Variants in PCIF1 observed in about 807,000 individuals in gnomAD.
PCIF1 encodes the protein mRNA (2'-O-methyladenosine-N(6)-)-methyltransferase.
PCIF1 carries 12 observed loss-of-function variants against 86.9 expected under a neutral mutation model. The observed-to-expected ratio is 0.14, with a 90% CI of 0.09 to 0.22. The LOEUF is 0.22. Ranked by LOEUF, PCIF1 falls within the 10% of genes least tolerant of loss-of-function variation. PCIF1 has a pLI of 1.00. For missense variants in PCIF1, 701 were observed against 951.1 expected (o/e 0.74, Z 3.46); for synonymous variants, 397 against 372.0 (o/e 1.07, Z -0.77).
intron 7 of PCIF1, 145 bp downstream of exon 7, chr20:45,941,352 C>T (rs765709259): frequency 1.2e-5 from 11 of 931,388 alleles, no homozygotes; most frequent in African/African-American, 5.0e-5. Flanking sequence ...AGTGACAGAG[C>T]AAGACCCTCT....
Position 45,947,853 on chromosome 20 carries a change from ATGAAGATTATGGT to A in PCIF1, c.*100_*112del. On this transcript the variant is annotated 3_prime_UTR_variant, in exon 17 of 17. Transcript: ENST00000372409. This position sits in a 1 kb window ranked among gnomAD's most constrained non-coding sequence, Gnocchi z 5.4. The stretch of plus-strand genomic sequence containing the variant: ...GAGGGACCCCGGCTGCCACTGACAT[ATGAAGATTATGGT>A]TCTGCCAGGGCTCCCCTCCCTGCCT... 2.0e-6 allele frequency: 3 copies of A among 1,536,412 alleles called. No individual in the cohort carries two copies. The highest frequency in any genetic ancestry group is 2.6e-6 in the Non-Finnish European group (3 of 1,151,252).
chr20:45,937,041 A>AC (rs11086989), intron 1 of PCIF1, among the ~76,000 whole-genome samples: 135,314 of 152,222 alleles, frequency 0.89, 60,924 homozygotes, highest in Non-Finnish European at 0.95. Context: ...TGCCAAAGCC[A>AC]CGTGCCCAGC....
At position 45,945,254 on chromosome 20, in the gene PCIF1, C is replaced by T. The variant is rs58936781; in HGVS notation, c.1168+224C>T. Among the ~76,000 whole-genome samples the T allele has an allele frequency of 1.1e-4, 16 of 152,356 alleles. No individual in the cohort carries two copies. In the East Asian group the frequency reaches 3.1e-3, roughly 29 times the overall value. On this transcript the variant is annotated intron_variant, in intron 11 of 16. Coordinates refer to ENST00000372409, the MANE Select transcript of PCIF1 (RefSeq NM_022104.4). ...TCGTAGTTAGGTGTACCTGAATTTA[C>T]ATCCATTCTCTGCAAGCCTTACTTT...
intron 2 of PCIF1, chr20:45,938,104 C>T (rs1006981019): frequency 6.6e-6 from 1 of 152,218 alleles, no homozygotes; most frequent in African/African-American, 2.4e-5. Context: ...TCTGACAGCC[C>T]CAGGCCAGAA....
At chr20:45,937,279 T>C (rs1042766767) in intron 1 of PCIF1, 139 bp from the exon 2 acceptor site, 1 of 397,434 alleles carries the variant, frequency 2.5e-6, no homozygotes, top group Non-Finnish European at 4.4e-6. Flanking sequence ...GGTATCATTT[T>C]CATCCCCTGT....
intron 4 of PCIF1, 34 bp downstream of exon 4, chr20:45,939,373 G>T: frequency 6.2e-7 from 1 of 1,610,882 alleles, no homozygotes. Flanking sequence ...GGGTCTCAGA[G>T]TGGCCTCTGG....
At chr20:45,938,593 G>C (rs187644538) in intron 2 of PCIF1, among the ~76,000 whole-genome samples, 1 of 152,202 alleles carries the variant, frequency 6.6e-6, no homozygotes, top group East Asian at 1.9e-4. Flanking sequence ...AGTTCTGACA[G>C]TTTAGTGGGG....
intron 6 of PCIF1, 23 bp from the exon 7 acceptor site, chr20:45,941,030 A>C (rs1216409680): frequency 6.2e-7 from 1 of 1,614,118 alleles, no homozygotes; most frequent in Admixed American, 1.7e-5. Context: ...GGACATCCTC[A>C]TCACTCCTCT....
chr20:45,936,760 G>A (rs913087383), intron 1 of PCIF1, among the ~76,000 whole-genome samples: 1 of 151,966 alleles, frequency 6.6e-6, no homozygotes, highest in Non-Finnish European at 1.5e-5. Context: ...GTGAAATCCC[G>A]TCTCTACTAA....
At chr20:45,942,766 C>CTTTT (rs780815783) in intron 7 of PCIF1, among the ~76,000 whole-genome samples, 65 of 71,758 alleles carry the variant, frequency 9.1e-4, no homozygotes, top group Non-Finnish European at 1.1e-3. Flanking sequence ...CAGCTAATTT[C>CTTTT]TTTTTTTTTT....
intron 1 of PCIF1, among the ~76,000 whole-genome samples, chr20:45,935,564 A>C (rs1049095866): frequency 2.0e-5 from 3 of 152,322 alleles, no homozygotes; most frequent in African/African-American, 4.8e-5. Context: ...GCCGGAAAGC[A>C]GAAGGGCCCG....
At position 45,943,824 on chromosome 20, in the gene PCIF1, G is replaced by T; in HGVS notation, c.1005+59G>T. The T allele has an allele frequency of 7.0e-7, 1 of 1,432,842 alleles. No individual in the cohort carries two copies. The highest frequency in any genetic ancestry group is 1.2e-5 in the South Asian group (1 of 81,138). 88.8% of individuals were successfully genotyped at this position (1,432,842 alleles called of 1,614,324 possible). On this transcript the variant is annotated intron_variant, in intron 10 of 16. Coordinates refer to ENST00000372409, the MANE Select transcript of PCIF1 (RefSeq NM_022104.4). The surrounding 1 kb of genome is among the most constrained non-coding windows in gnomAD (Gnocchi z 5.5). ...AGGGCTCTGTGGCCACTTCCTCCAG[G>T]AAGCCTACTCTGCCTGTCCAGGCTG...
chr20:45,947,347 C>T lies in PCIF1; in HGVS notation c.1792C>T (p.Arg598Cys), dbSNP rs144987485. Residue 598 changes from arginine to cysteine, a missense_variant, in exon 16 of 17, where the codon CGC (arginine) becomes TGC (cysteine). By Grantham distance (180) the Arg-to-Cys change is radical (BLOSUM62 -3). Coordinates refer to ENST00000372409, the MANE Select transcript of PCIF1 (RefSeq NM_022104.4). The surrounding 1 kb of genome is among the most constrained non-coding windows in gnomAD (Gnocchi z 5.4). ...WREPPTPALTRMEQSRFKRHQ... is the reference protein window; with the variant it reads ...WREPPTPALTCMEQSRFKRHQ... ...GGAACCCCCAACACCAGCGCTCACCCGCATGGAGCAGAGCCGCTTCAAACG... is the reference window on the plus strand; with the variant it reads ...GGAACCCCCAACACCAGCGCTCACCTGCATGGAGCAGAGCCGCTTCAAACG... 16 of 1,613,914 alleles carry T rather than the reference C, an allele frequency of 9.9e-6. No individual in the cohort carries two copies. The highest frequency in any genetic ancestry group is 4.5e-5 in the East Asian group (2 of 44,898).
intron 7 of PCIF1, 88 bp downstream of exon 7, chr20:45,941,295 G>C (rs932119309): frequency 6.9e-7 from 1 of 1,451,934 alleles, no homozygotes; most frequent in Non-Finnish European, 9.3e-7. Flanking sequence ...GGATGGCGGA[G>C]TGGGGCCCAG....
intron 2 of PCIF1, 30 bp downstream of exon 2, chr20:45,937,615 T>C: frequency 2.5e-6 from 1 of 398,780 alleles, no homozygotes; most frequent in Non-Finnish European, 4.4e-6. Context: ...CATTCAGTCT[T>C]GAAACCTGTG....
chr20:45,942,999 C>T, intron 7 of PCIF1, 98 bp from the exon 8 acceptor site: 8 of 1,279,988 alleles, frequency 6.3e-6, no homozygotes, highest in Non-Finnish European at 8.6e-6. Flanking sequence ...GGGACTGTGT[C>T]TTGCTTACTG....
rs2083400263 is a variant in PCIF1, at chr20:45,934,752, C to G, written c.-240C>G. The G allele has an allele frequency of 5.0e-6, 2 of 398,812 alleles. No individual in the cohort carries two copies. Among genetic ancestry groups the G allele is most frequent in the Non-Finnish European group, 8.8e-6 (2 of 226,114 alleles). The allele number at this position is 398,812 out of a possible 1,614,324, so 24.7% of individuals were successfully genotyped here. A position where few individuals can be genotyped will look rare whatever the true frequency, so the allele number is the denominator to read the frequency against. On this transcript the variant is annotated 5_prime_UTR_variant, in exon 1 of 17. Transcript: ENST00000372409. ...GGAGGGCGAGGCGGAGGCGGCAAAA[C>G]GGGCGGTCGAGCAGAACGTGTAGCC...
At position 45,947,888 on chromosome 20, in the gene PCIF1, G is replaced by C; in HGVS notation, c.*133G>C. ...TGGTTCTGCCAGGGCTCCCCTCCCT[G>C]CCTGTCCCCAAGTCCTCACCTCAAA... is the stretch of plus-strand genomic sequence containing the variant. On this transcript the variant is annotated 3_prime_UTR_variant, in exon 17 of 17. Transcript: ENST00000372409. This position sits in a 1 kb window ranked among gnomAD's most constrained non-coding sequence, Gnocchi z 5.4. 6.5e-7 allele frequency: 1 copy of C among 1,532,268 alleles called. No homozygotes were observed. Among genetic ancestry groups the C allele is most frequent in the East Asian group, 2.4e-5 (1 of 40,912 alleles). The allele number at this position is 1,532,268 out of a possible 1,614,324, so 94.9% of individuals were successfully genotyped here.
rs748755723 is a variant in PCIF1, at chr20:45,946,396, G to C, written c.1613+12G>C. The C allele has an allele frequency of 1.2e-6, 2 of 1,611,432 alleles. No homozygotes were observed. Among genetic ancestry groups the C allele is most frequent in the South Asian group, 2.2e-5 (2 of 91,064 alleles). On this transcript the variant is annotated intron_variant, in intron 14 of 16. Coordinates refer to ENST00000372409, the MANE Select transcript of PCIF1 (RefSeq NM_022104.4). ...TTTGGCTCCCGCGGGTGAGGGCCAA[G>C]GGCTGCCCCTCTACCCAGGCCAGGG...
Sources: allele counts gnomAD v4.1 joint callset (sites outside exome capture counted in the v4.1 genomes callset), GRCh38; gene constraint gnomAD v4.1.1; non-coding constraint Gnocchi (gnomAD v3.1); transcripts MANE v1.5; gene names NCBI Gene and HGNC (gene_info 2026-07-23, HGNC 2026-07-21).